The following PIK3CA variants were observed in gnomAD, a reference collection of about 807,000 sequenced individuals.
PIK3CA encodes phosphatidylinositol 4,5-bisphosphate 3-kinase catalytic subunit alpha isoform.
In PIK3CA, 27 loss-of-function variants were observed where a neutral mutation model predicts 138.2. The ratio of observed to expected loss-of-function variants is 0.20; its 90% CI spans 0.14 to 0.27. PIK3CA has a LOEUF of 0.27. PIK3CA is among the 10% of genes least tolerant of loss of function. PIK3CA has a pLI of 1.00. For missense variants in PIK3CA, 544 were observed against 1,277.4 expected (o/e 0.43, Z 8.75); for synonymous variants, 358 against 413.2 (o/e 0.87, Z 1.62).
intron 1 of PIK3CA, among the ~76,000 whole-genome samples, chr3:179,187,603 G>A (rs1724022892): frequency 6.7e-6 from 1 of 149,888 alleles, no homozygotes; most frequent in African/African-American, 2.5e-5. Flanking sequence ...CAAGCACTAT[G>A]CTGAGAACTT....
At chr3:179,209,751 T>G in intron 7 of PIK3CA, 51 bp downstream of exon 7, 1 of 969,958 alleles carries the variant, frequency 1.0e-6, no homozygotes, top group Non-Finnish European at 1.6e-6. Context: ...AACTCCTGAT[T>G]ATACCGCTGA....
chr3:179,159,186 C>G (rs1723214428), intron 1 of PIK3CA, among the ~76,000 whole-genome samples: 2 of 152,010 alleles, frequency 1.3e-5, no homozygotes, highest in Non-Finnish European at 2.9e-5. Context: ...TGCTTCCAAG[C>G]TTTTTTGTAC....
intron 1 of PIK3CA, among the ~76,000 whole-genome samples, chr3:179,190,815 C>T (rs951175254): frequency 6.6e-6 from 1 of 152,150 alleles, no homozygotes; most frequent in African/African-American, 2.4e-5. Flanking sequence ...GTATGAGACT[C>T]AGATAAGGGC....
chr3:179,226,157 C>T, intron 17 of PIK3CA, 117 bp downstream of exon 17: 1 of 579,636 alleles, frequency 1.7e-6, no homozygotes, highest in Non-Finnish European at 3.2e-6. Flanking sequence ...CAGTAATTAT[C>T]AGTAGTTGAT....
intron 1 of PIK3CA, among the ~76,000 whole-genome samples, chr3:179,185,533 C>CT (rs908046090): frequency 6.6e-6 from 1 of 152,196 alleles, no homozygotes; most frequent in Non-Finnish European, 1.5e-5. Flanking sequence ...AGTTCTGACA[C>CT]TATCTGCCTA....
intron 4 of PIK3CA, 44 bp from the exon 5 acceptor site, chr3:179,203,500 G>T: frequency 6.4e-7 from 1 of 1,555,292 alleles, no homozygotes; most frequent in Non-Finnish European, 8.7e-7. Flanking sequence ...CTTTTAAAAT[G>T]AAAAACCTTA....
chr3:179,209,793 A>G, intron 7 of PIK3CA, 93 bp downstream of exon 7: 3 of 587,800 alleles, frequency 5.1e-6, no homozygotes, highest in African/African-American at 1.9e-5. Context: ...ATGTTATTTT[A>G]TATTTAAGAA....
intron 1 of PIK3CA, among the ~76,000 whole-genome samples, chr3:179,156,318 A>T (rs1037731787): frequency 9.2e-5 from 14 of 152,168 alleles, no homozygotes; most frequent in Non-Finnish European, 2.1e-4. Flanking sequence ...CAATTAAATG[A>T]CTGCCAGACA....
At chr3:179,229,983 T>G in intron 18 of PIK3CA, 21 bp from the exon 19 acceptor site, 63 of 1,497,700 alleles carry the variant, frequency 4.2e-5, no homozygotes, top group Non-Finnish European at 5.2e-5. Context: ...ATACTACTCA[T>G]GAGGTGTTTA....
chr3:179,218,598 T>A (rs1724896087), intron 10 of PIK3CA, among the ~76,000 whole-genome samples: 1 of 152,048 alleles, frequency 6.6e-6, no homozygotes, highest in Non-Finnish European at 1.5e-5. Context: ...TAGGATTGTT[T>A]AAAATATTCT....
chr3:179,189,809 C>G (rs895237263), intron 1 of PIK3CA, among the ~76,000 whole-genome samples: 1 of 152,162 alleles, frequency 6.6e-6, no homozygotes, highest in Admixed American at 6.5e-5. Context: ...ATTTTCCACC[C>G]TGAAGTTGTA....
intron 1 of PIK3CA, among the ~76,000 whole-genome samples, chr3:179,165,410 G>C (rs1723393451): frequency 6.6e-6 from 1 of 151,922 alleles, no homozygotes; most frequent in African/African-American, 2.4e-5. Context: ...TTAATTTTTT[G>C]AAACAAGAGT....
chr3:179,188,531 T>G (rs1344048589), intron 1 of PIK3CA, among the ~76,000 whole-genome samples: 1 of 152,254 alleles, frequency 6.6e-6, no homozygotes, highest in African/African-American at 2.4e-5. Flanking sequence ...CAATACAGTC[T>G]TCTTGATGTG....
rs370692448 is a variant in PIK3CA, at chr3:179,219,274, C to T, written c.1743C>T (p.Ala581=). The change falls in exon 11 of 21, where the codon GCC becomes GCT. Residue 581 remains alanine, a synonymous_variant. Coordinates refer to ENST00000263967, the MANE Select transcript of PIK3CA (RefSeq NM_006218.4). The surrounding 1 kb of genome is among the most constrained non-coding windows in gnomAD (Gnocchi z 4.2). ...AATGGAATTCTAGAGATGAAGTAGC[C>T]CAGGTAAATGTATGTTTGAGATTAC... The part of the protein sequence containing the change: ...SVKWNSRDEV[A]QMYCLVKDWP... The T allele has an allele frequency of 6.4e-7, 1 of 1,570,668 alleles. No homozygotes were observed. Among genetic ancestry groups the T allele is most frequent in the Non-Finnish European group, 8.8e-7 (1 of 1,141,696 alleles).
At chr3:179,151,335 C>T (rs1012890231) in intron 1 of PIK3CA, among the ~76,000 whole-genome samples, 7 of 152,168 alleles carry the variant, frequency 4.6e-5, no homozygotes, top group African/African-American at 7.2e-5. Flanking sequence ...CATGCTGCGT[C>T]TAATCTCCAG....
chr3:179,201,151 A>G (rs1724400108), intron 3 of PIK3CA, 139 bp from the exon 4 acceptor site: 1 of 691,942 alleles, frequency 1.4e-6, no homozygotes, highest in Admixed American at 2.7e-5. Flanking sequence ...TTTCTACCTG[A>G]TATTTACCTA....
chr3:179,221,193 A>G, intron 14 of PIK3CA, 36 bp downstream of exon 14: 1 of 1,512,720 alleles, frequency 6.6e-7, no homozygotes. Flanking sequence ...GACTCTTTTC[A>G]CTGCAGTGGG....
At chr3:179,179,886 C>A (rs6443624) in intron 1 of PIK3CA, among the ~76,000 whole-genome samples, 44,546 of 151,968 alleles carry the variant, frequency 0.29, 7,544 homozygotes, top group African/African-American at 0.47. Context: ...TTTACAGAAG[C>A]TACTTGGGCT....
chr3:179,148,776 GC>G (rs1174422456), intron 1 of PIK3CA, among the ~76,000 whole-genome samples, 173 bp downstream of exon 1: 1 of 152,144 alleles, frequency 6.6e-6, no homozygotes, highest in Non-Finnish European at 1.5e-5. Flanking sequence ...TCCCTCGCCT[GC>G]CTCTGGCCTC....
Sources: gnomAD v4.1 joint callset for allele counts (sites outside exome capture counted in the v4.1 genomes callset) on GRCh38, gnomAD v4.1.1 for gene constraint, Gnocchi (gnomAD v3.1) non-coding constraint, MANE v1.5 for transcripts, NCBI Gene and HGNC (gene_info 2026-07-23, HGNC 2026-07-21) for gene names.